The following VPS35 variants were observed in gnomAD, a reference collection of about 807,000 sequenced individuals.
VPS35 encodes the protein VPS35 retromer complex component.
In VPS35, 21 loss-of-function variants were observed where a neutral mutation model predicts 98.1. That is an observed-to-expected ratio of 0.21 (90% CI 0.15 to 0.31). The LOEUF is 0.31. VPS35 is among the 10% of genes least tolerant of loss of function. VPS35 has a pLI of 1.00. For missense variants in VPS35, 554 were observed against 950.8 expected (o/e 0.58, Z 5.49); for synonymous variants, 268 against 318.2 (o/e 0.84, Z 1.68).
rs987067958 is a variant in VPS35 at position 46,657,389 on chromosome 16, G to A, written c.*3083C>T. On this transcript the variant is annotated 3_prime_UTR_variant, in exon 17 of 17. Coordinates refer to ENST00000299138, the MANE Select transcript of VPS35 (RefSeq NM_018206.6). ...TTATTACCTTGAGGTCTCTGAATGA[G>A]AGAGCAAATGTTAACAGAAGACCCC... is the stretch of plus-strand genomic sequence containing the variant. The A allele has an allele frequency of 6.6e-6, 1 of 152,144 alleles. No individual in the cohort carries two copies. The highest frequency in any genetic ancestry group is 1.5e-5 in the Non-Finnish European group (1 of 68,040). 9.4% of individuals were successfully genotyped at this position (152,144 alleles called of 1,614,324 possible). A position where few individuals can be genotyped will look rare whatever the true frequency, so the allele number is the denominator to read the frequency against.
chr16:46,679,285 A>G, intron 5 of VPS35, 129 bp from the exon 6 acceptor site: 1 of 854,860 alleles, frequency 1.2e-6, no homozygotes, highest in Non-Finnish European at 1.8e-6. Context: ...TTTCAACTTC[A>G]TTGGCTTAGT....
intron 13 of VPS35, among the ~76,000 whole-genome samples, chr16:46,667,143 T>C (rs1966001650): frequency 1.3e-5 from 2 of 152,362 alleles, no homozygotes; most frequent in African/African-American, 2.4e-5. Flanking sequence ...TTCTGTTTTT[T>C]TGATAACAGT....
chr16:46,672,262 T>C lies in VPS35; in HGVS notation c.1368+3A>G, dbSNP rs576005754. 61 of 1,612,876 alleles carry C rather than the reference T, an allele frequency of 3.8e-5. 1 individual carries two copies. In the South Asian group the frequency reaches 4.3e-4, roughly 11 times the overall value. The stretch of plus-strand genomic sequence containing the variant: ...CTAAAATAGCACGTAGGTATTCTCT[T>C]ACCTGGTCTTGAGAGACAATTTCTG... On this transcript the variant is annotated splice_donor_region_variant and intron_variant, in intron 11 of 16. Coordinates refer to ENST00000299138, the MANE Select transcript of VPS35 (RefSeq NM_018206.6).
Position 46,660,192 on chromosome 16 carries a change from T to TTTG in VPS35, c.*279_*280insCAA, listed in dbSNP as rs1555522789. On this transcript the variant is annotated 3_prime_UTR_variant, in exon 17 of 17. Coordinates refer to ENST00000299138, the MANE Select transcript of VPS35 (RefSeq NM_018206.6). Reference sequence around the variant, plus strand: ...AAGATAAGTGCTTGTGGGTTTTGTGTTTTTTTTTTTTTTTTTTTTTACAGA... The same window carrying TTTG: ...AAGATAAGTGCTTGTGGGTTTTGTGTTTGTTTTTTTTTTTTTTTTTTTTACAGA... 3.0e-4 allele frequency: 53 copies of TTTG among 175,294 alleles called. 1 individual carries two copies. Among genetic ancestry groups the TTTG allele is most frequent in the African/African-American group, 1.2e-3 (47 of 40,092 alleles). The allele number at this position is 175,294 out of a possible 1,614,324, so 10.9% of individuals were successfully genotyped here.
chr16:46,683,363 T>G, intron 2 of VPS35, 145 bp downstream of exon 2: 1 of 768,456 alleles, frequency 1.3e-6, no homozygotes, highest in Non-Finnish European at 2.2e-6. Context: ...CTCCACAAAG[T>G]GCTTGAGGGA....
intron 1 of VPS35, chr16:46,688,402 G>C (rs1218044119): frequency 1.0e-6 from 1 of 987,100 alleles, no homozygotes; most frequent in African/African-American, 1.7e-5. Flanking sequence ...TGCCGTCATA[G>C]ACGGGCCCTA....
At chr16:46,664,966 T>G (rs1047018291) in intron 13 of VPS35, among the ~76,000 whole-genome samples, 2 of 152,354 alleles carry the variant, frequency 1.3e-5, no homozygotes, top group Non-Finnish European at 1.5e-5. Flanking sequence ...ACAATGAATG[T>G]TCTATATACA....
chr16:46,681,261 A>G (rs548586264), intron 4 of VPS35, 116 bp downstream of exon 4: 2 of 1,378,320 alleles, frequency 1.5e-6, no homozygotes, highest in East Asian at 2.3e-5. Flanking sequence ...CAAAATGTTC[A>G]TCTCAATTTG....
At chr16:46,679,469 C>G (rs1966200441) in intron 5 of VPS35, among the ~76,000 whole-genome samples, 2 of 152,064 alleles carry the variant, frequency 1.3e-5, no homozygotes, top group African/African-American at 4.8e-5. Flanking sequence ...GGCTCATGTC[C>G]GTAATCCAGT....
chr16:46,680,580 T>G, intron 5 of VPS35, 91 bp downstream of exon 5: 1 of 1,382,400 alleles, frequency 7.2e-7, no homozygotes, highest in Non-Finnish European at 1.0e-6. Context: ...GAAGAATTAT[T>G]CACACTTTGT....
intron 1 of VPS35, among the ~76,000 whole-genome samples, chr16:46,684,038 A>G (rs1245834896): frequency 2.0e-5 from 3 of 152,198 alleles, no homozygotes; most frequent in Admixed American, 6.5e-5. Context: ...TTTACCAATT[A>G]TTAACAGCTG....
Position 46,679,159 on chromosome 16 carries a change from G to A in VPS35, c.507-3C>T, listed in dbSNP as rs2143008475. On this transcript the variant is annotated splice_region_variant and splice_polypyrimidine_tract_variant and intron_variant, in intron 5 of 16. Coordinates refer to ENST00000299138, the MANE Select transcript of VPS35 (RefSeq NM_018206.6). ...TGATGTCACCAGTTGTTTCTTCACT[G>A]CAAAGAAACAGAAAAGTCTTTACAC... 6.3e-7 allele frequency: 1 copy of A among 1,599,872 alleles called. No individual in the cohort carries two copies. The highest frequency in any genetic ancestry group is 8.5e-7 in the Non-Finnish European group (1 of 1,171,944).
intron 14 of VPS35, 67 bp from the exon 15 acceptor site, chr16:46,662,549 T>C: frequency 1.2e-6 from 2 of 1,601,842 alleles, no homozygotes; most frequent in Non-Finnish European, 1.7e-6. Flanking sequence ...TTTTCCAAAG[T>C]ACTTGTCACC....
chr16:46,681,542 C>T (rs1567269036), intron 3 of VPS35, 42 bp from the exon 4 acceptor site: 2 of 1,608,388 alleles, frequency 1.2e-6, no homozygotes, highest in Non-Finnish European at 1.7e-6. Context: ...AATAAGCCAA[C>T]CTAAACAAAA....
In VPS35 at chr16:46,666,426, G is replaced by A. The variant is rs569483081; in HGVS notation, c.1647+2504C>T. ...TGGGACTACAGGCATGCGCCACCAC[G>A]CCCAGCTAATTTTGTATTTTCAGTA... On this transcript the variant is annotated intron_variant, in intron 13 of 16. Coordinates refer to ENST00000299138, the MANE Select transcript of VPS35 (RefSeq NM_018206.6). 5.3e-3 allele frequency among the ~76,000 whole-genome samples: 807 copies of A among 151,944 alleles called. 3 individuals carry two copies. The highest frequency in any genetic ancestry group is 9.8e-3 in the Admixed American group (149 of 15,260).
chr16:46,666,481 T>C (rs930746335), intron 13 of VPS35, among the ~76,000 whole-genome samples: 1 of 152,056 alleles, frequency 6.6e-6, no homozygotes, highest in Non-Finnish European at 1.5e-5. Flanking sequence ...TTGGTCAGGC[T>C]GTTCTCAAAC....
In VPS35 at chr16:46,661,723, C is replaced by T; in HGVS notation, c.2206G>A (p.Asp736Asn). ...RYIYFYEKEN[D>N]AVTIQVLNQL... ...CACTTTACTAATTCACTTACCGCAT[C>T]ATTTTCCTTTTCATAAAAATAGATA... The change falls in exon 16 of 17, where the codon GAT becomes AAT. Residue 736 changes from aspartate (D) to asparagine (N), a missense_variant. By Grantham distance (23) the Asp-to-Asn change is conservative (BLOSUM62 1). Coordinates refer to ENST00000299138, the MANE Select transcript of VPS35 (RefSeq NM_018206.6). The surrounding 1 kb of genome is among the most constrained non-coding windows in gnomAD (Gnocchi z 4.3). 3 of 1,607,566 alleles carry T rather than the reference C, an allele frequency of 1.9e-6. No homozygotes were observed. The highest frequency in any genetic ancestry group is 2.6e-6 in the Non-Finnish European group (3 of 1,174,190).
chr16:46,670,011 G>C (rs997863817), intron 12 of VPS35, among the ~76,000 whole-genome samples: 4 of 152,118 alleles, frequency 2.6e-5, no homozygotes, highest in Non-Finnish European at 4.4e-5. Flanking sequence ...TACTTTAAAA[G>C]AGCTACTTGT....
rs375809380 is a variant in VPS35 at position 46,677,371 on chromosome 16, C to T, written c.748G>A (p.Val250Ile). The change falls in exon 7 of 17, where the codon GTT becomes ATT. Residue 250 changes from valine (V) to isoleucine (I), a missense_variant. Val to Ile is a conservative substitution (Grantham distance 29). Transcript: ENST00000299138. ...QIVLTGILEQ[V>I]VNCRDALAQE... ...GCCAAAGCATCCCTACAGTTTACAA[C>T]TTGCTCCAATATGCCAGTCAAAACA... 1.2e-6 allele frequency: 2 copies of T among 1,613,994 alleles called. No homozygotes were observed. The highest frequency in any genetic ancestry group is 1.1e-5 in the South Asian group (1 of 91,088).
Sources: gnomAD v4.1 joint callset for allele counts (sites outside exome capture counted in the v4.1 genomes callset) on GRCh38, gnomAD v4.1.1 for gene constraint, Gnocchi (gnomAD v3.1) non-coding constraint, MANE v1.5 for transcripts, NCBI Gene and HGNC (gene_info 2026-07-23, HGNC 2026-07-21) for gene names.